The following DAB2IP variants were observed in gnomAD, a reference collection of about 807,000 sequenced individuals.
The protein encoded by DAB2IP is DAB2 interacting protein.
DAB2IP carries 28 observed loss-of-function variants against 107.2 expected under a neutral mutation model. The ratio of observed to expected loss-of-function variants is 0.26; its 90% CI spans 0.19 to 0.36. The LOEUF is 0.36. Among genes scored for constraint, DAB2IP ranks in the 10% least tolerant of loss-of-function variants. The probability of loss-of-function intolerance (pLI) is 1.00; values close to 1 mark genes in which losing one functional copy is unlikely to be tolerated. For synonymous variants in DAB2IP, 755 were observed against 706.4 expected, an observed-to-expected ratio of 1.07 and a Z score of -1.09; for missense variants, 1,400 against 1,644.7, an observed-to-expected ratio of 0.85 and a Z score of 2.57.
chr9:121,694,836 G>A (rs1022332119), intron 2 of DAB2IP, among the ~76,000 whole-genome samples: 1 of 152,156 alleles, frequency 6.6e-6, no homozygotes, highest in Non-Finnish European at 1.5e-5. Flanking sequence ...GAGCTGGGGG[G>A]GTGGCACCAG....
At chr9:121,774,239 C>T (rs971919838) in intron 12 of DAB2IP, 21 bp from the exon 13 acceptor site, 19 of 1,590,456 alleles carry the variant, frequency 1.2e-5, no homozygotes, top group African/African-American at 6.8e-5. Context: ...TGCAGCCCCT[C>T]ACAGCTGTGT....
intron 3 of DAB2IP, among the ~76,000 whole-genome samples, chr9:121,730,065 C>A (rs1380775198): frequency 6.6e-6 from 1 of 152,128 alleles, no homozygotes; most frequent in Non-Finnish European, 1.5e-5. Flanking sequence ...GGACTTGAAC[C>A]TCCATCCTCA....
chr9:121,647,170 C>G (rs1020882560), upstream of DAB2IP, among the ~76,000 whole-genome samples: 1 of 152,274 alleles, frequency 6.6e-6, no homozygotes, highest in East Asian at 1.9e-4. Context: ...AGCATCTCCC[C>G]TTCCCTGGGG....
At position 121,776,695 on chromosome 9, in the gene DAB2IP, C is replaced by T. The variant is rs951208009; in HGVS notation, c.3314+304C>T. Among the ~76,000 whole-genome samples, 2 of 152,060 alleles carry T rather than the reference C, an allele frequency of 1.3e-5. No individual in the cohort carries two copies. Among genetic ancestry groups the T allele is most frequent in the East Asian group, 1.9e-4 (1 of 5,166 alleles). ...CCATCTTAGTAAGCACTCTCAGGGG[C>T]GCTGAGAAGCTGGATTGGGGGGTGC... On this transcript the variant is annotated intron_variant, in intron 14 of 15. Transcript: ENST00000408936. The surrounding 1 kb of genome is among the most constrained non-coding windows in gnomAD (Gnocchi z 5.4).
chr9:121,765,895 A>G (rs1834244548), intron 8 of DAB2IP, among the ~76,000 whole-genome samples: 1 of 152,128 alleles, frequency 6.6e-6, no homozygotes, highest in Non-Finnish European at 1.5e-5. Context: ...CATGTAGAGA[A>G]TGGAGAGCTG....
chr9:121,587,351 A>G (rs2118919571), intron 1 of DAB2IP, among the ~76,000 whole-genome samples: 1 of 152,232 alleles, frequency 6.6e-6, no homozygotes, highest in Non-Finnish European at 1.5e-5. Flanking sequence ...TCATGCCTAT[A>G]AATCCCAGCA....
At position 121,772,946 on chromosome 9, in the gene DAB2IP, A is replaced by G; in HGVS notation, c.2418A>G (p.Thr806=). The stretch of plus-strand genomic sequence containing the variant: ...CCACGGTGCGGCGGGCAGGCCAGAC[A>G]CCAACCACACCAGGCACCTCCGAGG... The change falls in exon 12 of 16, where the codon ACA becomes ACG. Residue 806 remains threonine, a synonymous_variant. Transcript: ENST00000408936. The surrounding 1 kb of genome is among the most constrained non-coding windows in gnomAD (Gnocchi z 4.7). The G allele has an allele frequency of 1.4e-5, 22 of 1,570,218 alleles. No homozygotes were observed. Among genetic ancestry groups the G allele is most frequent in the Non-Finnish European group, 1.8e-5 (21 of 1,161,190 alleles).
rs1040443315 is a variant in DAB2IP, at chr9:121,602,171, C to T, written c.40+34943C>T. Among the ~76,000 whole-genome samples the T allele has an allele frequency of 2.0e-5, 3 of 152,208 alleles. No homozygotes were observed. The South Asian group carries it at 6.2e-4, about 31-fold the overall frequency. ...CTGAATTTAGTCTTGGCTTCACTCT[C>T]TGGAGCTGGTTACTCTTCCTTTCTA... On this transcript the variant is annotated intron_variant, in intron 1 of 16. Transcript: ENST00000259371.
In DAB2IP at chr9:121,651,746, G is replaced by C; in HGVS notation, c.-30G>C. 1.5e-6 allele frequency: 2 copies of C among 1,298,592 alleles called. No individual in the cohort carries two copies. Among genetic ancestry groups the C allele is most frequent in the Non-Finnish European group, 2.0e-6 (2 of 1,018,728 alleles). The allele number at this position is 1,298,592 out of a possible 1,614,324, so 80.4% of individuals were successfully genotyped here. On this transcript the variant is annotated 5_prime_UTR_variant, in exon 1 of 16. Transcript: ENST00000408936. This position sits in a 1 kb window ranked among gnomAD's most constrained non-coding sequence, Gnocchi z 5.1. The stretch of plus-strand genomic sequence containing the variant: ...GATGGGGCCCGTGTGAGCGCGCCCA[G>C]GCCCGGCCCGGTGCCCGGCGGGCGG...
intron 2 of DAB2IP, among the ~76,000 whole-genome samples, chr9:121,694,125 C>T (rs1564160992): frequency 3.3e-5 from 5 of 152,142 alleles, no homozygotes; most frequent in Admixed American, 3.3e-4. Context: ...CCCGCCTTGG[C>T]TTTGGTCCTT....
chr9:121,739,122 A>G (rs1265187657), intron 3 of DAB2IP, among the ~76,000 whole-genome samples: 1 of 152,264 alleles, frequency 6.6e-6, no homozygotes, highest in Non-Finnish European at 1.5e-5. Context: ...CAAGTGTTCC[A>G]CTAGGGAGTA....
intron 3 of DAB2IP, chr9:121,752,885 C>T (rs1205874082): frequency 6.6e-6 from 1 of 152,254 alleles, no homozygotes; most frequent in East Asian, 1.9e-4. Context: ...AAGCCACCTT[C>T]CTCCTTTTTC....
chr9:121,699,315 C>A lies in DAB2IP; in HGVS notation c.229-10C>A, dbSNP rs888661007. On this transcript the variant is annotated splice_polypyrimidine_tract_variant and intron_variant, in intron 2 of 15. Coordinates refer to ENST00000408936, the Ensembl canonical transcript of DAB2IP. This position sits in a 1 kb window ranked among gnomAD's most constrained non-coding sequence, Gnocchi z 6.2. Reference sequence around the variant, plus strand: ...GCCTCCCCTTCCCCCTCTTGTCCCCCCGTGCGCAGGGCTTCCTCAGCCGCC... The same window carrying A: ...GCCTCCCCTTCCCCCTCTTGTCCCCACGTGCGCAGGGCTTCCTCAGCCGCC... 1.4e-6 allele frequency: 2 copies of A among 1,443,158 alleles called. No individual in the cohort carries two copies. The highest frequency in any genetic ancestry group is 3.0e-5 in the African/African-American group (2 of 67,328). The allele number at this position is 1,443,158 out of a possible 1,614,324, so 89.4% of individuals were successfully genotyped here. A position where few individuals can be genotyped will look rare whatever the true frequency, so the allele number is the denominator to read the frequency against.
intron 1 of DAB2IP, among the ~76,000 whole-genome samples, chr9:121,671,519 G>T (rs1234238480): frequency 6.6e-6 from 1 of 152,136 alleles, no homozygotes; most frequent in Non-Finnish European, 1.5e-5. Flanking sequence ...CCATCATTCT[G>T]CCTTACTCAT....
At chr9:121,578,089 C>T (rs1830106210) in intron 1 of DAB2IP, among the ~76,000 whole-genome samples, 1 of 152,014 alleles carries the variant, frequency 6.6e-6, no homozygotes, top group South Asian at 2.1e-4. Flanking sequence ...ACCCTTTAGT[C>T]TCTCCTTTGC....
At chr9:121,768,929 A>T (rs1044829144) in intron 10 of DAB2IP, among the ~76,000 whole-genome samples, 2 of 152,222 alleles carry the variant, frequency 1.3e-5, no homozygotes, top group African/African-American at 4.8e-5. Flanking sequence ...AGCATGTGAG[A>T]AATAGAATTG....
intron 1 of DAB2IP, among the ~76,000 whole-genome samples, chr9:121,569,673 T>C (rs1047061751): frequency 6.6e-6 from 1 of 151,974 alleles, no homozygotes; most frequent in Admixed American, 6.6e-5. Flanking sequence ...CACAAAAAAT[T>C]AGCCAGGCAT....
chr9:121,783,510 A>G (rs748214964), exon 16 of DAB2IP: 2 of 1,614,178 alleles, frequency 1.2e-6, no homozygotes. Flanking sequence ...GAAGGTGGAT[A>G]ACTGTGATTT....
At chr9:121,750,600 C>T (rs543494468) in intron 3 of DAB2IP, among the ~76,000 whole-genome samples, 10 of 152,242 alleles carry the variant, frequency 6.6e-5, no homozygotes, top group African/African-American at 2.2e-4. Context: ...TCTGAGCTTT[C>T]GAGATTTGGA....
Sources: allele counts gnomAD v4.1 joint callset (sites outside exome capture counted in the v4.1 genomes callset), GRCh38; gene constraint gnomAD v4.1.1; non-coding constraint Gnocchi (gnomAD v3.1); transcripts MANE v1.5; gene names NCBI Gene and HGNC (gene_info 2026-07-23, HGNC 2026-07-21).